Variants in KDM2B observed in about 807,000 individuals in gnomAD.
KDM2B encodes the protein lysine-specific demethylase 2B.
In KDM2B, 26 loss-of-function variants were observed where a neutral mutation model predicts 150.0. That is an observed-to-expected ratio of 0.17 (90% confidence interval 0.13 to 0.24). The LOEUF is 0.24. Ranked by LOEUF, KDM2B falls within the 10% of genes least tolerant of loss-of-function variation. The probability of loss-of-function intolerance (pLI) is 1.00; values close to 1 mark genes in which losing one functional copy is unlikely to be tolerated. For missense variants in KDM2B, 1,265 were observed against 1,816.9 expected (o/e 0.70, Z 5.52); for synonymous variants, 734 against 729.5 (o/e 1.01, Z -0.10).
intron 4 of KDM2B, among the ~76,000 whole-genome samples, chr12:121,566,881 GT>G (rs1223389591): frequency 4.4e-4 from 66 of 151,330 alleles, no homozygotes; most frequent in African/African-American, 1.6e-3. Context: ...CAAAGTGGGA[GT>G]TTTTTTTTCT....
chr12:121,436,818 A>C (rs543155389), intron 22 of KDM2B, among the ~76,000 whole-genome samples: 1 of 152,214 alleles, frequency 6.6e-6, no homozygotes, highest in African/African-American at 2.4e-5. Flanking sequence ...TTACAAGGAG[A>C]GAAAATAGAT....
chr12:121,500,187 G>T (rs1884399644), intron 11 of KDM2B, among the ~76,000 whole-genome samples: 1 of 152,074 alleles, frequency 6.6e-6, no homozygotes. Context: ...GGTTGTGCTG[G>T]AGGGAATCAT....
intron 1 of KDM2B, chr12:121,580,112 G>C (rs1304567219): frequency 1.3e-6 from 2 of 1,577,182 alleles, no homozygotes; most frequent in Admixed American, 2.1e-5. Context: ...TTTTGGCCGA[G>C]GGGGGAAGGA....
chr12:121,527,610 C>A, intron 8 of KDM2B, among the ~76,000 whole-genome samples: 1 of 140,676 alleles, frequency 7.1e-6, no homozygotes. Context: ...GCTGAGATCG[C>A]GCCACTGCAC....
chr12:121,514,032 C>T (rs575191669), intron 9 of KDM2B, among the ~76,000 whole-genome samples: 1 of 152,264 alleles, frequency 6.6e-6, no homozygotes, highest in Non-Finnish European at 1.5e-5. Flanking sequence ...GCCCAGCCTG[C>T]AAGGCCACAA....
chr12:121,511,257 C>A (rs537138965), intron 10 of KDM2B, among the ~76,000 whole-genome samples: 1 of 151,298 alleles, frequency 6.6e-6, no homozygotes, highest in Non-Finnish European at 1.5e-5. Context: ...GATCCACCCG[C>A]CTCGGCCTCC....
At chr12:121,580,010 A>T in intron 1 of KDM2B, 1 of 1,540,238 alleles carries the variant, frequency 6.5e-7, no homozygotes, top group South Asian at 1.2e-5. Context: ...AAAAAAAAAA[A>T]GCTACACACC....
chr12:121,423,156 G>A, the KDM2B span, among the ~76,000 whole-genome samples: 2 of 152,202 alleles, frequency 1.3e-5, no homozygotes, highest in African/African-American at 2.4e-5. This position sits in a 1 kb window ranked among gnomAD's most constrained non-coding sequence, Gnocchi z 4.3. Flanking sequence ...TGTTGGGTAC[G>A]TCAAGCATTT....
In KDM2B at chr12:121,445,404, G is replaced by A; in HGVS notation, c.1974C>T (p.His658=). 1 of 1,602,954 alleles carries A rather than the reference G, an allele frequency of 6.2e-7. No homozygotes were observed. ...CGCCACACACAAGGCACACGGCGGT[G>A]TGGGGCAGCACTGGCTGAGGAGCCA... is the stretch of plus-strand genomic sequence containing the variant. ...MRQCIAPVLP[H]TAVCLVCGEA... The change falls in exon 14 of 23, where the codon CAC becomes CAT. Residue 658 remains histidine, a synonymous_variant. Transcript: ENST00000377071.
At chr12:121,531,193 G>A (rs1443153670) in intron 8 of KDM2B, among the ~76,000 whole-genome samples, 1 of 152,064 alleles carries the variant, frequency 6.6e-6, no homozygotes, top group Non-Finnish European at 1.5e-5. Flanking sequence ...CCCAAGCAGG[G>A]GTCGGTCCCT....
chr12:121,510,075 C>T (rs1885446801), intron 10 of KDM2B, 36 bp from the exon 11 acceptor site: 1 of 1,495,798 alleles, frequency 6.7e-7, no homozygotes, highest in East Asian at 2.3e-5. Flanking sequence ...ACCGAGATGA[C>T]ACCTAACTCC....
At position 121,467,296 on chromosome 12, in the gene KDM2B, G is replaced by C. The variant is rs1438018661; in HGVS notation, c.1735-13952C>G. The C allele has an allele frequency of 9.1e-6, 9 of 984,402 alleles. No homozygotes were observed. The East Asian group carries it at 1.0e-3, about 112-fold the overall frequency. 61.0% of individuals were successfully genotyped at this position (984,402 alleles called of 1,614,324 possible). ...CGCCCGCCCGGAGCAGGCTCGGCTC[G>C]CCCTGGCTCGGGCTCGGGCTCGGGC... On this transcript the variant is annotated intron_variant, in intron 12 of 22. Transcript: ENST00000377071. This position sits in a 1 kb window ranked among gnomAD's most constrained non-coding sequence, Gnocchi z 5.1.
At chr12:121,517,004 T>C (rs1886269581) in intron 9 of KDM2B, 1 of 589,144 alleles carries the variant, frequency 1.7e-6, no homozygotes, top group Non-Finnish European at 3.0e-6. Flanking sequence ...CATTACCTTT[T>C]CTGGGAAGGC....
chr12:121,423,282 TGCAGGGGTCATTCA>T, the KDM2B span: 1 of 831,974 alleles, frequency 1.2e-6, no homozygotes, highest in Non-Finnish European at 1.9e-6. The surrounding 1 kb of genome is among the most constrained non-coding windows in gnomAD (Gnocchi z 4.3). Context: ...GCATTGGGCC[TGCAGGGGTCATTCA>T]GCAGGTGGCT....
chr12:121,425,485 C>T (rs1872469135), downstream of KDM2B, among the ~76,000 whole-genome samples: 1 of 152,170 alleles, frequency 6.6e-6, no homozygotes, highest in South Asian at 2.1e-4. Context: ...GTGAGTAACA[C>T]ATATGGCCTT....
At chr12:121,460,123 T>C (rs1051645537) in intron 12 of KDM2B, among the ~76,000 whole-genome samples, 2 of 152,238 alleles carry the variant, frequency 1.3e-5, no homozygotes, top group Non-Finnish European at 2.9e-5. Flanking sequence ...ACTCATTCAT[T>C]AACCCCCTAA....
intron 11 of KDM2B, among the ~76,000 whole-genome samples, chr12:121,500,250 G>A (rs889088753): frequency 6.6e-6 from 1 of 152,086 alleles, no homozygotes; most frequent in South Asian, 2.1e-4. Flanking sequence ...TGGGGCTCTC[G>A]GCAGCACAGA....
intron 2 of KDM2B, among the ~76,000 whole-genome samples, chr12:121,578,133 C>A (rs1891634162): frequency 2.0e-5 from 3 of 152,236 alleles, no homozygotes. Context: ...AAGTCACCCC[C>A]TGACCCCAAT....
rs374373016 is a variant in KDM2B, at chr12:121,580,928, G to A, written c.-17C>T. The A allele has an allele frequency of 3.3e-5, 53 of 1,612,358 alleles. No individual in the cohort carries two copies. In the African/African-American group the frequency reaches 5.2e-4, roughly 16 times the overall value. ...ACCCGCCATGTGGAGGAGGCATTTG[G>A]GGGGCTCAGAAGGAAATTAGCTCGG... On this transcript the variant is annotated 5_prime_UTR_variant, in exon 1 of 23. Transcript: ENST00000377071.
Sources: gnomAD v4.1 joint callset for allele counts (sites outside exome capture counted in the v4.1 genomes callset) on GRCh38, gnomAD v4.1.1 for gene constraint, Gnocchi (gnomAD v3.1) non-coding constraint, MANE v1.5 for transcripts, NCBI Gene and HGNC (gene_info 2026-07-23, HGNC 2026-07-21) for gene names.